ADAMTS2: variants seen among roughly 807,000 people sequenced by gnomAD.
The protein encoded by ADAMTS2 is ADAM metallopeptidase with thrombospondin type 1 motif 2.
In ADAMTS2, 50 loss-of-function variants were observed where a neutral mutation model predicts 123.0. The observed-to-expected ratio is 0.41, with a 90% CI of 0.32 to 0.51. The LOEUF is 0.51. Among genes scored for constraint, ADAMTS2 ranks in the 20% least tolerant of loss-of-function variants. ADAMTS2 has a pLI of 0.35. For synonymous variants in ADAMTS2, 678 were observed against 695.4 expected, an observed-to-expected ratio of 0.98 and a Z score of 0.39; for missense variants, 1,494 against 1,705.2, an observed-to-expected ratio of 0.88 and a Z score of 2.18.
At chr5:179,196,034 C>A (rs983567047) in intron 4 of ADAMTS2, among the ~76,000 whole-genome samples, 1 of 152,212 alleles carries the variant, frequency 6.6e-6, no homozygotes, top group African/African-American at 2.4e-5. Flanking sequence ...ATTTCCACCA[C>A]GACCAGCTGA....
chr5:179,267,888 T>C (rs1405712411), intron 3 of ADAMTS2, among the ~76,000 whole-genome samples: 1 of 152,194 alleles, frequency 6.6e-6, no homozygotes, highest in Non-Finnish European at 1.5e-5. Flanking sequence ...AGGCACTTCC[T>C]GAGTGACTCC....
At chr5:179,126,489 G>A (rs932791656) in intron 17 of ADAMTS2, among the ~76,000 whole-genome samples, 7 of 152,232 alleles carry the variant, frequency 4.6e-5, no homozygotes, top group Admixed American at 6.5e-5. Context: ...CACTGGGCCC[G>A]CAGCCCGCAT....
At chr5:179,309,198 G>A (rs1194075277) in intron 2 of ADAMTS2, among the ~76,000 whole-genome samples, 1 of 152,236 alleles carries the variant, frequency 6.6e-6, no homozygotes, top group Non-Finnish European at 1.5e-5. Flanking sequence ...CCTCCCAAGG[G>A]TTGTGCAGGG....
intron 2 of ADAMTS2, among the ~76,000 whole-genome samples, chr5:179,333,549 A>G (rs986323359): frequency 4.0e-5 from 6 of 150,970 alleles, no homozygotes; most frequent in Admixed American, 6.6e-5. Flanking sequence ...AGATCACACA[A>G]TGGAAATGCT....
At chr5:179,218,454 A>G (rs1765052218) in intron 3 of ADAMTS2, among the ~76,000 whole-genome samples, 1 of 152,252 alleles carries the variant, frequency 6.6e-6, no homozygotes, top group African/African-American at 2.4e-5. Flanking sequence ...TGGGAAGCAG[A>G]AGGCAGGCTC....
chr5:179,125,122 C>T lies in ADAMTS2; in HGVS notation c.2809G>A (p.Val937Met). The change falls in exon 19 of 22, where the codon GTG becomes ATG. Residue 937 changes from valine (V) to methionine (M), a missense_variant. By Grantham distance (21) the Val-to-Met change is conservative. Transcript: ENST00000251582. ...SQTCGRTGMQ[V>M]RSVRCIQPLH... ...GGCTGAATGCAGCGCACGGAGCGCA[C>T]CTGCATGCCTGTCCGCCCACAGGTC... The T allele has an allele frequency of 1.2e-6, 2 of 1,613,008 alleles. No individual in the cohort carries two copies. The highest frequency in any genetic ancestry group is 1.7e-6 in the Non-Finnish European group (2 of 1,179,922).
At chr5:179,147,851 G>T (rs1402039958) in intron 10 of ADAMTS2, among the ~76,000 whole-genome samples, 1 of 152,216 alleles carries the variant, frequency 6.6e-6, no homozygotes, top group Non-Finnish European at 1.5e-5. Flanking sequence ...TTGTATCAAT[G>T]AGAAGCAGGA....
intron 2 of ADAMTS2, among the ~76,000 whole-genome samples, chr5:179,338,428 C>CGCCTCCAGAGGGACT (rs1287120169): frequency 6.6e-6 from 1 of 152,204 alleles, no homozygotes; most frequent in Non-Finnish European, 1.5e-5. Flanking sequence ...GGCTGGCCGC[C>CGCCTCCAGAGGGACT]GCCTCCAGAG....
At chr5:179,311,170 T>C (rs1483773487) in intron 2 of ADAMTS2, among the ~76,000 whole-genome samples, 1 of 151,926 alleles carries the variant, frequency 6.6e-6, no homozygotes, top group African/African-American at 2.4e-5. Context: ...AGGCCGAGCC[T>C]CCCCCGCCCT....
chr5:179,264,104 C>T (rs1581229995), intron 3 of ADAMTS2, among the ~76,000 whole-genome samples: 2 of 152,276 alleles, frequency 1.3e-5, no homozygotes, highest in South Asian at 4.1e-4. Flanking sequence ...GAAGAGCTTC[C>T]TGTCCCCTTC....
rs56097636 is a variant in ADAMTS2, at chr5:179,217,759, G to A, written c.689-10044C>T. Among the ~76,000 whole-genome samples the A allele has an allele frequency of 3.0e-4, 39 of 129,972 alleles. 1 individual carries two copies. The highest frequency in any genetic ancestry group is 1.4e-3 in the African/African-American group (38 of 27,526). 85.3% of individuals were successfully genotyped at this position (129,972 alleles called of 152,430 possible). A position where few individuals can be genotyped will look rare whatever the true frequency, so the allele number is the denominator to read the frequency against. On this transcript the variant is annotated intron_variant, in intron 3 of 21. Transcript: ENST00000251582. ...TGGCACACTTGCTAGGGGATGGTGT[G>A]AGGGGGGATGGGCACACTCACTAGG... is the stretch of plus-strand genomic sequence containing the variant.
intron 2 of ADAMTS2, among the ~76,000 whole-genome samples, chr5:179,320,358 A>G (rs1329830064): frequency 3.9e-5 from 6 of 152,032 alleles, no homozygotes. Context: ...CTCAGGCTGG[A>G]GTGCAGTGGC....
intron 3 of ADAMTS2, among the ~76,000 whole-genome samples, chr5:179,209,960 G>A (rs1764812481): frequency 6.6e-6 from 1 of 152,236 alleles, no homozygotes; most frequent in African/African-American, 2.4e-5. Flanking sequence ...GTCACACACG[G>A]GCGGTGCCCT....
chr5:179,240,661 A>T (rs1297765987), intron 3 of ADAMTS2, among the ~76,000 whole-genome samples: 1 of 152,324 alleles, frequency 6.6e-6, no homozygotes, highest in South Asian at 2.1e-4. Flanking sequence ...GGTCGACCTC[A>T]TGGGAAATTT....
chr5:179,329,134 T>G (rs796994146), intron 2 of ADAMTS2, among the ~76,000 whole-genome samples: 4 of 152,120 alleles, frequency 2.6e-5, no homozygotes, highest in Admixed American at 2.0e-4. Context: ...GAGACCATCC[T>G]GGCTAACACG....
rs1426338973 is a variant in ADAMTS2, at chr5:179,314,431, G to A, written c.534+29336C>T. 1.3e-5 allele frequency among the ~76,000 whole-genome samples: 2 copies of A among 151,820 alleles called. No homozygotes were observed. Among genetic ancestry groups the A allele is most frequent in the South Asian group, 2.1e-4 (1 of 4,770 alleles). On this transcript the variant is annotated intron_variant, in intron 2 of 21. Transcript: ENST00000251582. This position sits in a 1 kb window ranked among gnomAD's most constrained non-coding sequence, Gnocchi z 4.5. ...GCTCCTCCCCACCCCGTGGCGTGGC[G>A]TGGCGTGGCCGGAATACTCAGTTTT...
At position 179,312,529 on chromosome 5, in the gene ADAMTS2, G is replaced by T. The variant is rs959988339; in HGVS notation, c.534+31238C>A. ...GAACCGTGAGAAATAAGCTTCCGAT[G>T]CTTTTAAGCCGCTCCGTTTATGGTA... On this transcript the variant is annotated intron_variant, in intron 2 of 21. Coordinates refer to ENST00000251582, the MANE Select transcript of ADAMTS2 (RefSeq NM_014244.5). This position sits in a 1 kb window ranked among gnomAD's most constrained non-coding sequence, Gnocchi z 4.2. 2.0e-5 allele frequency among the ~76,000 whole-genome samples: 3 copies of T among 152,056 alleles called. No individual in the cohort carries two copies. Among genetic ancestry groups the T allele is most frequent in the African/African-American group, 4.8e-5 (2 of 41,396 alleles).
chr5:179,133,326 G>T (rs1022150972), intron 13 of ADAMTS2, among the ~76,000 whole-genome samples: 2 of 152,076 alleles, frequency 1.3e-5, no homozygotes, highest in African/African-American at 4.8e-5. Flanking sequence ...GGAGTACAAT[G>T]GTGCAATCTC....
rs996891739 is a variant in ADAMTS2, at chr5:179,181,523, G to A, written c.892-368C>T. 2.0e-5 allele frequency among the ~76,000 whole-genome samples: 3 copies of A among 152,092 alleles called. No homozygotes were observed. Among genetic ancestry groups the A allele is most frequent in the African/African-American group, 4.8e-5 (2 of 41,402 alleles). ...GTGAACGTGGGTGATGGACCCCCGC[G>A]GCACAGGCAGGGCTGGGACCGGCCC... On this transcript the variant is annotated intron_variant, in intron 4 of 21. Transcript: ENST00000251582. This position sits in a 1 kb window ranked among gnomAD's most constrained non-coding sequence, Gnocchi z 4.1.
Sources: allele counts gnomAD v4.1 joint callset (sites outside exome capture counted in the v4.1 genomes callset), GRCh38; gene constraint gnomAD v4.1.1; non-coding constraint Gnocchi (gnomAD v3.1); transcripts MANE v1.5; gene names NCBI Gene and HGNC (gene_info 2026-07-23, HGNC 2026-07-21).